The following DMD variants were observed in gnomAD, a reference collection of about 807,000 sequenced individuals.
The protein encoded by DMD is dystrophin.
DMD carries 63 observed loss-of-function variants against 330.1 expected under a neutral mutation model. The observed-to-expected ratio is 0.19, with a 90% confidence interval of 0.16 to 0.24. The LOEUF is 0.24. DMD is among the 10% of genes least tolerant of loss of function. The pLI, the probability that DMD is intolerant of heterozygous loss-of-function variation, is 1.00. For synonymous variants in DMD, 1,223 were observed against 959.8 expected, an observed-to-expected ratio of 1.27 and a Z score of -5.07; for missense variants, 3,344 against 2,684.1, an observed-to-expected ratio of 1.25 and a Z score of -5.43.
At chrX:32,822,725 G>A (rs1054323485) in intron 5 of DMD, among the ~76,000 whole-genome samples, 1 of 110,447 alleles carries the variant, frequency 9.1e-6, no homozygotes, top group East Asian at 2.9e-4. Flanking sequence ...ACACACGGGT[G>A]TGTGTCTGTA....
intron 1 of DMD, among the ~76,000 whole-genome samples, chrX:33,326,763 G>A (rs946395314): frequency 3.6e-5 from 4 of 111,723 alleles, no homozygotes; most frequent in Non-Finnish European, 7.5e-5. Context: ...CTTGTGAAGG[G>A]TAAACTGGAG....
chrX:32,475,986 A>T (rs1188560167), intron 21 of DMD, among the ~76,000 whole-genome samples: 1 of 111,180 alleles, frequency 9.0e-6, no homozygotes. Flanking sequence ...ACAAAATCCA[A>T]AAGGGACCTT....
chrX:31,705,200 A>C (rs1339317043), intron 52 of DMD, among the ~76,000 whole-genome samples: 1 of 112,466 alleles, frequency 8.9e-6, no homozygotes, highest in Non-Finnish European at 1.9e-5. Context: ...GATGCAGAAA[A>C]ACAGAGTAAG....
At chrX:32,203,087 C>G (rs1243558763) in intron 44 of DMD, among the ~76,000 whole-genome samples, 2 of 112,145 alleles carry the variant, frequency 1.8e-5, no homozygotes, top group African/African-American at 6.5e-5. Flanking sequence ...CACCCTCCAT[C>G]TGGAGGCCTG....
At chrX:32,778,780 G>C (rs181060784) in intron 7 of DMD, among the ~76,000 whole-genome samples, 1 of 110,976 alleles carries the variant, frequency 9.0e-6, no homozygotes, top group Non-Finnish European at 1.9e-5. Context: ...AAGCATTCCG[G>C]TGACTACATA....
intron 48 of DMD, among the ~76,000 whole-genome samples, chrX:31,862,470 T>G (rs2093723574): frequency 9.0e-6 from 1 of 111,361 alleles, no homozygotes. Flanking sequence ...CAGGGATAAA[T>G]TTACCCCCAA....
rs149712171 is a variant in DMD, at chrX:32,459,512, G to C, written c.3432+3927C>G. Among the ~76,000 whole-genome samples the C allele has an allele frequency of 3.0e-3, 338 of 110,928 alleles. 4 individuals carry two copies. In the South Asian group the frequency reaches 0.055, roughly 18 times the overall value. ...TGTACCTCGTTTATATGCCCAGTTTGAAAAGTGTACTTGACTTCCAGATAC... is the reference window on the plus strand; with the variant it reads ...TGTACCTCGTTTATATGCCCAGTTTCAAAAGTGTACTTGACTTCCAGATAC... On this transcript the variant is annotated intron_variant, in intron 25 of 78. Transcript: ENST00000357033.
rs755026254 is a variant in DMD, at chrX:31,524,795, C to T, written c.8218-17342G>A. Among the ~76,000 whole-genome samples, 3 of 111,496 alleles carry T rather than the reference C, an allele frequency of 2.7e-5. No homozygotes were observed. In the East Asian group the frequency reaches 8.5e-4, roughly 32 times the overall value. On this transcript the variant is annotated intron_variant, in intron 55 of 78. Coordinates refer to ENST00000357033, the MANE Select transcript of DMD (RefSeq NM_004006.3). ...GAAAGGATGTGCTTGCCCTGAGAAG[C>T]TGAGCTCCTTATGTCCTATGGCCTA...
chrX:31,316,134 T>A (rs1244899253), intron 62 of DMD, among the ~76,000 whole-genome samples: 1 of 112,089 alleles, frequency 8.9e-6, no homozygotes, highest in Non-Finnish European at 1.9e-5. Flanking sequence ...CATACATCCA[T>A]GCCAAGGACT....
intron 44 of DMD, among the ~76,000 whole-genome samples, chrX:31,997,435 G>GT (rs1349844857): frequency 1.4e-4 from 15 of 103,847 alleles, no homozygotes; most frequent in East Asian, 6.0e-4. Flanking sequence ...TTTGTTTTTT[G>GT]TTTTTTTAGA....
At chrX:33,039,268 A>G (rs927075485) in intron 1 of DMD, among the ~76,000 whole-genome samples, 2 of 110,761 alleles carry the variant, frequency 1.8e-5, no homozygotes, top group Non-Finnish European at 3.8e-5. Context: ...GTCAGTTCGA[A>G]CTCCCTGGTG....
rs1425243747 is a variant in DMD at position 32,653,825 on chromosome X, G to T, written c.961-8673C>A. ...TTCTTCCATTTGTTTGTGTCCTCTT[G>T]TATTTTGGTGAGCAGTGGTTTGTAG... is the stretch of plus-strand genomic sequence containing the variant. On this transcript the variant is annotated intron_variant, in intron 9 of 78. Transcript: ENST00000357033. 3.6e-5 allele frequency among the ~76,000 whole-genome samples: 4 copies of T among 111,753 alleles called. No homozygotes were observed. In the East Asian group the frequency reaches 1.1e-3, roughly 32 times the overall value.
At chrX:31,253,110 C>G (rs1329878452) in intron 63 of DMD, among the ~76,000 whole-genome samples, 1 of 112,263 alleles carries the variant, frequency 8.9e-6, no homozygotes, top group Non-Finnish European at 1.9e-5. Context: ...AAGCTTTACT[C>G]TAGCCAGGGG....
chrX:32,522,545 A>C (rs1337769058), intron 17 of DMD, among the ~76,000 whole-genome samples: 1 of 111,977 alleles, frequency 8.9e-6, no homozygotes, highest in Non-Finnish European at 1.9e-5. Flanking sequence ...TAGTAAAAAC[A>C]TATCTGATTA....
At chrX:31,454,926 A>T (rs1158175804) in intron 59 of DMD, among the ~76,000 whole-genome samples, 2 of 86,126 alleles carry the variant, frequency 2.3e-5, no homozygotes, top group Non-Finnish European at 4.6e-5. Flanking sequence ...ATATATATAT[A>T]TTTTTAAGTT....
chrX:31,390,690 C>G (rs1265628621), intron 60 of DMD, among the ~76,000 whole-genome samples: 2 of 111,693 alleles, frequency 1.8e-5, no homozygotes, highest in Non-Finnish European at 3.8e-5. Context: ...TTGCCGCCAT[C>G]TTACTCCCAG....
chrX:32,743,937 T>A (rs2069640510), intron 7 of DMD, among the ~76,000 whole-genome samples: 1 of 111,402 alleles, frequency 9.0e-6, no homozygotes, highest in Non-Finnish European at 1.9e-5. Context: ...CATAAAAAAA[T>A]ATATACCTAA....
At chrX:32,489,780 A>G (rs2042822701) in intron 20 of DMD, among the ~76,000 whole-genome samples, 2 of 111,903 alleles carry the variant, frequency 1.8e-5, no homozygotes, top group Admixed American at 9.5e-5. Flanking sequence ...ATAAGGTAAC[A>G]TCAGATTTTT....
intron 44 of DMD, among the ~76,000 whole-genome samples, chrX:32,014,681 C>A (rs1225216921): frequency 8.9e-6 from 1 of 111,892 alleles, no homozygotes; most frequent in Non-Finnish European, 1.9e-5. Flanking sequence ...TCAATAAACA[C>A]TTGCCATTAC....
Sources: allele counts gnomAD v4.1 joint callset (sites outside exome capture counted in the v4.1 genomes callset), GRCh38; gene constraint gnomAD v4.1.1; transcripts MANE v1.5; gene names NCBI Gene and HGNC (gene_info 2026-07-23, HGNC 2026-07-21).